The following SPIDR variants were observed in gnomAD, a reference collection of about 807,000 sequenced individuals.
SPIDR encodes the protein DNA repair-scaffolding protein.
SPIDR carries 93 observed loss-of-function variants against 104.6 expected under a neutral mutation model. The ratio of observed to expected loss-of-function variants is 0.89; its 90% confidence interval spans 0.75 to 1.06. SPIDR has a LOEUF of 1.06. Among genes scored for constraint, SPIDR ranks in the 50% least tolerant of loss-of-function variants. The probability of loss-of-function intolerance (pLI) is 0.00; values close to 1 mark genes in which losing one functional copy is unlikely to be tolerated. For synonymous variants in SPIDR, 431 were observed against 416.9 expected (o/e 1.03, Z -0.41); for missense variants, 1,154 against 1,111.2 (o/e 1.04, Z -0.55).
intron 1 of SPIDR, 84 bp from the exon 2 acceptor site, chr8:47,279,778 T>G (rs2037357660): frequency 5.9e-6 from 8 of 1,362,990 alleles, no homozygotes; most frequent in Non-Finnish European, 8.1e-6. Flanking sequence ...GTTTTCAGAT[T>G]GTAAATTGTG....
At chr8:47,565,994 T>TATATATATATATATA (rs1358462620) in intron 8 of SPIDR, among the ~76,000 whole-genome samples, 4 of 25,960 alleles carry the variant, frequency 1.5e-4, no homozygotes, top group Non-Finnish European at 2.8e-4. Flanking sequence ...ATATATATAT[T>TATATATATATATATA]TTTTTTTTTT....
intron 14 of SPIDR, among the ~76,000 whole-genome samples, chr8:47,706,120 C>T (rs1178660788): frequency 1.3e-5 from 2 of 152,010 alleles, no homozygotes; most frequent in African/African-American, 2.4e-5. Flanking sequence ...CAGCTGGGCG[C>T]GGTGGCTCAC....
intron 7 of SPIDR, among the ~76,000 whole-genome samples, chr8:47,412,178 C>G (rs1480617391): frequency 1.3e-5 from 2 of 152,058 alleles, no homozygotes; most frequent in East Asian, 1.9e-4. Flanking sequence ...GTAGTTTTTT[C>G]CAGTTCTGTG....
intron 7 of SPIDR, among the ~76,000 whole-genome samples, chr8:47,424,106 T>C (rs1441086155): frequency 6.6e-6 from 1 of 152,124 alleles, no homozygotes; most frequent in Non-Finnish European, 1.5e-5. Flanking sequence ...CAGATTTACA[T>C]TGGGCAGCCT....
At chr8:47,707,307 T>C (rs1176413224) in intron 14 of SPIDR, among the ~76,000 whole-genome samples, 3 of 151,914 alleles carry the variant, frequency 2.0e-5, no homozygotes, top group Non-Finnish European at 4.4e-5. Context: ...GCCAACAGTA[T>C]TGTCTAGAGA....
chr8:47,283,356 G>A (rs912318049), intron 2 of SPIDR, among the ~76,000 whole-genome samples: 1 of 152,164 alleles, frequency 6.6e-6, no homozygotes, highest in African/African-American at 2.4e-5. Flanking sequence ...TATTAATTTT[G>A]CTCTCTTATA....
At chr8:47,403,401 G>A (rs1178111197) in intron 6 of SPIDR, among the ~76,000 whole-genome samples, 2 of 152,184 alleles carry the variant, frequency 1.3e-5, no homozygotes, top group African/African-American at 2.4e-5. Context: ...GTTAGGAAAA[G>A]AGGAAGTCAA....
intron 17 of SPIDR, among the ~76,000 whole-genome samples, chr8:47,727,572 G>A (rs144319950): frequency 1.3e-5 from 2 of 152,242 alleles, no homozygotes; most frequent in African/African-American, 4.8e-5. Context: ...AAAAAAACAG[G>A]ACAAACATGA....
At chr8:47,501,313 T>C (rs2080391525) in intron 8 of SPIDR, among the ~76,000 whole-genome samples, 1 of 152,230 alleles carries the variant, frequency 6.6e-6, no homozygotes, top group Non-Finnish European at 1.5e-5. Context: ...TCCTCTTTTA[T>C]TTCATTGAGC....
chr8:47,651,857 A>G (rs1469457332), intron 10 of SPIDR, among the ~76,000 whole-genome samples: 2 of 152,188 alleles, frequency 1.3e-5, no homozygotes, highest in African/African-American at 4.8e-5. Context: ...TCAGGAATGG[A>G]AAACCAAATA....
intron 11 of SPIDR, among the ~76,000 whole-genome samples, chr8:47,699,703 C>T (rs912302668): frequency 1.3e-5 from 2 of 152,266 alleles, no homozygotes; most frequent in East Asian, 1.9e-4. Context: ...TACAGGCATC[C>T]GCCATCATGC....
intron 5 of SPIDR, among the ~76,000 whole-genome samples, chr8:47,324,226 A>G (rs2154264295): frequency 6.6e-6 from 1 of 152,330 alleles, no homozygotes; most frequent in South Asian, 2.1e-4. Flanking sequence ...TCACACAACT[A>G]GAAAGTAGAA....
intron 5 of SPIDR, among the ~76,000 whole-genome samples, chr8:47,387,462 C>T (rs1028528118): frequency 1.3e-5 from 2 of 151,982 alleles, no homozygotes; most frequent in Admixed American, 6.6e-5. Flanking sequence ...CATTGTGGTG[C>T]CAGGTGGGAA....
At chr8:47,281,211 AGG>A (rs2037712341) in intron 2 of SPIDR, among the ~76,000 whole-genome samples, 1 of 152,214 alleles carries the variant, frequency 6.6e-6, no homozygotes, top group Non-Finnish European at 1.5e-5. Context: ...GCCTTCACCA[AGG>A]TATAATCTTT....
chr8:47,322,287 A>T (rs1554596549), intron 5 of SPIDR, among the ~76,000 whole-genome samples: 1 of 152,250 alleles, frequency 6.6e-6, no homozygotes. Flanking sequence ...GGATATGAGC[A>T]GACACTTCTC....
intron 16 of SPIDR, among the ~76,000 whole-genome samples, 192 bp downstream of exon 16, chr8:47,713,833 G>A (rs1032379913): frequency 2.0e-5 from 3 of 152,138 alleles, no homozygotes; most frequent in Admixed American, 6.5e-5. Flanking sequence ...TGAATCAGAC[G>A]AACACAGACA....
chr8:47,261,140 G>A, intron 1 of SPIDR, 149 bp downstream of exon 1: 1 of 982,142 alleles, frequency 1.0e-6, no homozygotes, highest in Non-Finnish European at 1.3e-6. Flanking sequence ...CCGTCTGCGC[G>A]CGTGGAGCAA....
intron 5 of SPIDR, among the ~76,000 whole-genome samples, chr8:47,346,319 G>C (rs193293001): frequency 1.3e-3 from 201 of 152,038 alleles, no homozygotes; most frequent in African/African-American, 4.8e-3. Flanking sequence ...GGATGAAGCC[G>C]ACTTGTTCGT....
At chr8:47,287,231 A>C (rs922870227) in intron 3 of SPIDR, among the ~76,000 whole-genome samples, 1 of 149,672 alleles carries the variant, frequency 6.7e-6, no homozygotes, top group African/African-American at 2.6e-5. Context: ...TCTGAGGCCA[A>C]TAAAGATCAC....
Sources: allele counts gnomAD v4.1 joint callset (sites outside exome capture counted in the v4.1 genomes callset), GRCh38; gene constraint gnomAD v4.1.1; transcripts MANE v1.5; gene names NCBI Gene and HGNC (gene_info 2026-07-23, HGNC 2026-07-21).